The following C1GALT1 variants were observed in gnomAD, a reference collection of about 807,000 sequenced individuals.
The protein encoded by C1GALT1 is core 1 synthase, glycoprotein-N-acetylgalactosamine 3-beta-galactosyltransferase 1, also known as glycoprotein-N-acetylgalactosamine 3-beta-galactosyltransferase 1.
In C1GALT1, 11 loss-of-function variants were observed where a neutral mutation model predicts 31.0. The observed-to-expected ratio is 0.36, with a 90% CI of 0.22 to 0.59. The LOEUF is 0.59. Among genes scored for constraint, C1GALT1 ranks in the 20% least tolerant of loss-of-function variants. The probability of loss-of-function intolerance (pLI) is 0.79; values close to 1 mark genes in which losing one functional copy is unlikely to be tolerated. For missense variants in C1GALT1, 424 were observed against 425.2 expected (o/e 1.00, Z 0.03); for synonymous variants, 175 against 143.6 (o/e 1.22, Z -1.56).
At chr7:7,197,125 G>A (rs891849405) in intron 1 of C1GALT1, among the ~76,000 whole-genome samples, 3 of 152,154 alleles carry the variant, frequency 2.0e-5, no homozygotes, top group Admixed American at 2.0e-4. Context: ...CCATGCCTAT[G>A]GCCTGAATGG....
intron 1 of C1GALT1, among the ~76,000 whole-genome samples, chr7:7,191,816 AGG>A (rs1426367043): frequency 6.6e-6 from 1 of 150,612 alleles, no homozygotes; most frequent in African/African-American, 2.5e-5. Context: ...TTGTTGAATC[AGG>A]TTGATTTTTT....
intron 1 of C1GALT1, chr7:7,183,501 AT>A (rs879899494): frequency 0.044 from 26,095 of 590,404 alleles, no homozygotes; most frequent in Non-Finnish European, 0.05. Context: ...AAGGCATTAA[AT>A]TTTTTTTTTT....
intron 1 of C1GALT1, among the ~76,000 whole-genome samples, chr7:7,203,906 T>G (rs1781620580): frequency 6.6e-6 from 1 of 152,054 alleles, no homozygotes; most frequent in Non-Finnish European, 1.5e-5. Flanking sequence ...TACAATAACT[T>G]ATTTCTCCAA....
intron 1 of C1GALT1, among the ~76,000 whole-genome samples, chr7:7,233,490 C>G (rs1426776658): frequency 6.6e-6 from 1 of 152,154 alleles, no homozygotes; most frequent in African/African-American, 2.4e-5. Context: ...CCAGGCTGGT[C>G]TCAAGCTCCT....
intron 1 of C1GALT1, among the ~76,000 whole-genome samples, chr7:7,218,077 T>G (rs1782329932): frequency 6.6e-6 from 1 of 152,124 alleles, no homozygotes; most frequent in South Asian, 2.1e-4. Flanking sequence ...TGGGATAGTA[T>G]TATAGTTTGG....
At chr7:7,239,464 A>AAGACCT (rs1240946289) in intron 3 of C1GALT1, among the ~76,000 whole-genome samples, 3 of 152,190 alleles carry the variant, frequency 2.0e-5, no homozygotes, top group Non-Finnish European at 2.9e-5. Context: ...GAGGTTCAGA[A>AAGACCT]AGACCTAGAG....
At chr7:7,171,796 C>T (rs1439028153) in intron 2 of C1GALT1, among the ~76,000 whole-genome samples, 2 of 151,936 alleles carry the variant, frequency 1.3e-5, no homozygotes, top group African/African-American at 2.4e-5. Context: ...GTTTAATGCC[C>T]TAAATTTAAG....
chr7:7,160,148 C>T (rs1361269503), intron 2 of C1GALT1, among the ~76,000 whole-genome samples: 1 of 152,120 alleles, frequency 6.6e-6, no homozygotes, highest in East Asian at 1.9e-4. Flanking sequence ...GTCCCTAGTA[C>T]CTTTCCACAT....
chr7:7,227,653 G>A (rs2128245614), intron 1 of C1GALT1, among the ~76,000 whole-genome samples: 1 of 150,816 alleles, frequency 6.6e-6, no homozygotes, highest in African/African-American at 2.4e-5. Context: ...CCGGGAGGCG[G>A]AGCTTGCAGT....
In C1GALT1 at chr7:7,246,914, C is replaced by G. The variant is rs887002165; in HGVS notation, c.*3187C>G. ...TAACTTAAAGGATCATTGGATCATT[C>G]ATTTTGGCCAAATTTTTAGCTTCTC... On this transcript the variant is annotated 3_prime_UTR_variant, in exon 4 of 4. Transcript: ENST00000436587. The G allele has an allele frequency of 6.6e-6, 1 of 152,158 alleles. No individual in the cohort carries two copies. The highest frequency in any genetic ancestry group is 2.4e-5 in the African/African-American group (1 of 41,428). The allele number at this position is 152,158 out of a possible 1,614,324, so 9.4% of individuals were successfully genotyped here.
In C1GALT1 at chr7:7,238,199, T is replaced by G; in HGVS notation, c.221-56T>G. 3.5e-6 allele frequency: 5 copies of G among 1,414,236 alleles called. No homozygotes were observed. Among genetic ancestry groups the G allele is most frequent in the Non-Finnish European group, 3.8e-6 (4 of 1,045,132 alleles). The allele number at this position is 1,414,236 out of a possible 1,614,324, so 87.6% of individuals were successfully genotyped here. A position where few individuals can be genotyped will look rare whatever the true frequency, so the allele number is the denominator to read the frequency against. ...CAGTGCTTTCTTCAGTATAATTTAT[T>G]AATATTTGGATTTTACATCTATGTA... On this transcript the variant is annotated intron_variant, in intron 2 of 3. Coordinates refer to ENST00000436587, the MANE Select transcript of C1GALT1 (RefSeq NM_020156.5). This position sits in a 1 kb window ranked among gnomAD's most constrained non-coding sequence, Gnocchi z 5.2.
chr7:7,218,738 A>G (rs1409084350), intron 1 of C1GALT1, among the ~76,000 whole-genome samples: 1 of 152,192 alleles, frequency 6.6e-6, no homozygotes, highest in Non-Finnish European at 1.5e-5. Context: ...AATATTTAAC[A>G]TTTGGAAAGG....
At chr7:7,203,239 T>C (rs1487653234) in intron 1 of C1GALT1, among the ~76,000 whole-genome samples, 6 of 152,110 alleles carry the variant, frequency 3.9e-5, no homozygotes, top group Admixed American at 1.3e-4. Context: ...TCCAGTACTA[T>C]GTTGAATAGA....
At chr7:7,227,652 G>C (rs1387324333) in intron 1 of C1GALT1, among the ~76,000 whole-genome samples, 1 of 150,814 alleles carries the variant, frequency 6.6e-6, no homozygotes, top group African/African-American at 2.4e-5. Flanking sequence ...CCCGGGAGGC[G>C]GAGCTTGCAG....
rs910183132 is a variant in C1GALT1, at chr7:7,235,660, T to C, written c.220+1121T>C. Among the ~76,000 whole-genome samples, 8 of 152,168 alleles carry C rather than the reference T, an allele frequency of 5.3e-5. No individual in the cohort carries two copies. In the South Asian group the frequency reaches 1.7e-3, roughly 32 times the overall value. On this transcript the variant is annotated intron_variant, in intron 2 of 3. Coordinates refer to ENST00000436587, the MANE Select transcript of C1GALT1 (RefSeq NM_020156.5). ...TTGTCCAGCTCAGTGGCCTACAAAA[T>C]GTGGGGTATGCTAAAAGTTTGTCTA...
intron 2 of C1GALT1, among the ~76,000 whole-genome samples, chr7:7,170,982 T>C (rs1418759960): frequency 2.0e-5 from 3 of 152,210 alleles, no homozygotes; most frequent in African/African-American, 4.8e-5. Context: ...AGATACTGTG[T>C]ATGATTTCAA....
At chr7:7,225,181 G>A (rs938906730) in intron 1 of C1GALT1, among the ~76,000 whole-genome samples, 1 of 152,098 alleles carries the variant, frequency 6.6e-6, no homozygotes, top group Non-Finnish European at 1.5e-5. Context: ...GAGTCTTGAG[G>A]TAGAAGCTTA....
intron 1 of C1GALT1, among the ~76,000 whole-genome samples, chr7:7,190,159 G>T (rs984286238): frequency 7.9e-5 from 12 of 152,154 alleles, no homozygotes; most frequent in East Asian, 1.9e-4. Flanking sequence ...AGGAACCAGG[G>T]TTATTATAGG....
intron 2 of C1GALT1, among the ~76,000 whole-genome samples, chr7:7,236,822 C>A (rs1477876377): frequency 6.6e-6 from 1 of 152,172 alleles, no homozygotes; most frequent in Admixed American, 6.5e-5. Flanking sequence ...CTGTGCCCAG[C>A]TGGGACATGA....
Sources: gnomAD v4.1 joint callset for allele counts (sites outside exome capture counted in the v4.1 genomes callset) on GRCh38, gnomAD v4.1.1 for gene constraint, Gnocchi (gnomAD v3.1) non-coding constraint, MANE v1.5 for transcripts, NCBI Gene and HGNC (gene_info 2026-07-23, HGNC 2026-07-21) for gene names.